The following SPEG variants were observed in gnomAD, a reference collection of about 807,000 sequenced individuals.
SPEG encodes striated muscle preferentially expressed protein kinase.
A neutral mutation model predicts 300.4 loss-of-function variants in SPEG; 114 were observed. That is an observed-to-expected ratio of 0.38 (90% CI 0.33 to 0.44). SPEG has a LOEUF of 0.44. SPEG is among the 20% of genes least tolerant of loss of function. The probability of loss-of-function intolerance (pLI) is 1.00; values close to 1 mark genes in which losing one functional copy is unlikely to be tolerated. For synonymous variants in SPEG, 1,964 were observed against 2,018.9 expected (o/e 0.97, Z 0.73); for missense variants, 4,201 against 4,586.2 (o/e 0.92, Z 2.43).
At position 219,448,432 on chromosome 2, in the gene SPEG, G is replaced by C; in HGVS notation, c.1274G>C (p.Arg425Pro). Residue 425 changes from arginine to proline, a missense_variant, in exon 4 of 41, where the codon CGG (arginine) becomes CCG (proline). Arg to Pro is a moderately radical substitution (Grantham distance 103). Transcript: ENST00000312358. ...AGCGACTCGCCGCCGGCGCCCCTGCGGCCCTGGGTGCCCCTGCGCAAGGCC... is the reference window on the plus strand; with the variant it reads ...AGCGACTCGCCGCCGGCGCCCCTGCCGCCCTGGGTGCCCCTGCGCAAGGCC... ...ERSDSPPAPLRPWVPLRKARS... is the reference protein window; with the variant it reads ...ERSDSPPAPLPPWVPLRKARS... 2 of 1,515,786 alleles carry C rather than the reference G, an allele frequency of 1.3e-6. No individual in the cohort carries two copies. The highest frequency in any genetic ancestry group is 1.8e-6 in the Non-Finnish European group (2 of 1,139,460). 93.9% of individuals were successfully genotyped at this position (1,515,786 alleles called of 1,614,324 possible).
intron 6 of SPEG, among the ~76,000 whole-genome samples, chr2:219,457,935 C>G (rs1006327455): frequency 6.6e-5 from 10 of 152,178 alleles, no homozygotes; most frequent in African/African-American, 2.4e-4. Flanking sequence ...CTCTCTTTTT[C>G]CCTGGGCCAA....
chr2:219,473,392 T>C lies in SPEG; in HGVS notation c.4148-112T>C. 1 of 1,086,734 alleles carries C rather than the reference T, an allele frequency of 9.2e-7. No homozygotes were observed. Among genetic ancestry groups the C allele is most frequent in the Non-Finnish European group, 1.4e-6 (1 of 731,892 alleles). 67.3% of individuals were successfully genotyped at this position (1,086,734 alleles called of 1,614,324 possible). A position where few individuals can be genotyped will look rare whatever the true frequency, so the allele number is the denominator to read the frequency against. On this transcript the variant is annotated intron_variant, in intron 16 of 40. Transcript: ENST00000312358. This position sits in a 1 kb window ranked among gnomAD's most constrained non-coding sequence, Gnocchi z 4.6. ...CGCTAAACCTCTCTGAGCTTCAGCT[T>C]TCCCATCTGTAAAAACGGAACTCAA...
chr2:219,441,661 T>A (rs1462824387), intron 1 of SPEG: 3 of 452,042 alleles, frequency 6.6e-6, no homozygotes, highest in Non-Finnish European at 1.4e-5. Flanking sequence ...ATTGCACCCC[T>A]TTCTGTGCCT....
chr2:219,492,494 G>C (rs1694064256), intron 40 of SPEG, 100 bp from the exon 41 acceptor site: 1 of 1,294,880 alleles, frequency 7.7e-7, no homozygotes, highest in South Asian at 1.3e-5. Context: ...CACATGTAGG[G>C]GTGGGATCCA....
intron 6 of SPEG, among the ~76,000 whole-genome samples, chr2:219,452,358 C>G (rs143701658): frequency 6.6e-6 from 1 of 152,158 alleles, no homozygotes; most frequent in African/African-American, 2.4e-5. Context: ...GCCTTGTTTT[C>G]TATTTTTGTG....
At chr2:219,450,946 G>T in intron 4 of SPEG, 190 bp from the exon 5 acceptor site, 1 of 575,470 alleles carries the variant, frequency 1.7e-6, no homozygotes, top group Non-Finnish European at 3.0e-6. Context: ...TTTCGAGAAT[G>T]CTCCTTCTGA....
rs745312329 is a variant in SPEG, at chr2:219,484,159, C to G, written c.6696C>G (p.Pro2232=). Residue 2232 remains proline (P), a synonymous_variant, in exon 30 of 41, where the codon CCC becomes CCG. Transcript: ENST00000312358. ...PVRASKPAPP[P]QALQTLALPL... Reference sequence around the variant, plus strand: ...GAGCCTCCAAGCCTGCACCACCCCCCCAGGCCCTGCAAACCCTAGCGCTGC... The same window carrying G: ...GAGCCTCCAAGCCTGCACCACCCCCGCAGGCCCTGCAAACCCTAGCGCTGC... 7.4e-5 allele frequency: 119 copies of G among 1,613,574 alleles called. No individual in the cohort carries two copies. The highest frequency in any genetic ancestry group is 9.0e-5 in the Non-Finnish European group (106 of 1,179,972).
rs780302495 is a variant in SPEG, at chr2:219,461,985, C to A, written c.2544C>A (p.Pro848=). 4 of 1,613,722 alleles carry A rather than the reference C, an allele frequency of 2.5e-6. No individual in the cohort carries two copies. The Admixed American group carries it at 5.0e-5, about 20-fold the overall frequency. Residue 848 remains proline (P), a synonymous_variant, in exon 7 of 41, where the codon CCC becomes CCA. Transcript: ENST00000312358. ...PEPGETWPRT[P]TMKPSPSQNR... is the part of the protein sequence containing the mutation. ...CTGGGGAGACCTGGCCGCGAACCCC[C>A]ACCATGAAGCCCAGTCCCAGCCAGA... is the stretch of plus-strand genomic sequence containing the variant.
chr2:219,447,942 A>T (rs1447455025), intron 3 of SPEG, 32 bp from the exon 4 acceptor site: 21 of 1,602,226 alleles, frequency 1.3e-5, no homozygotes, highest in Non-Finnish European at 1.7e-5. Flanking sequence ...GGCCCCCTGA[A>T]TCCTCTACCC....
In SPEG at chr2:219,489,873, C is replaced by G; in HGVS notation, c.8855C>G (p.Pro2952Arg). Residue 2952 changes from proline to arginine, a missense_variant, in exon 36 of 41, where the codon CCT becomes CGT. Around this residue, in one of 4 missense-constraint regions of SPEG, gnomAD observed 1,578 missense variants for 1,506.0 expected, o/e 1.05. Coordinates refer to ENST00000312358, the MANE Select transcript of SPEG (RefSeq NM_005876.5). The stretch of plus-strand genomic sequence containing the variant: ...AGCAGTCCCCGAAGCTCTCCCAGGC[C>G]TGAGGGTACCACTCTTCGACAGGGT... ...PGSSPRSSPR[P>R]EGTTLRQGPP... The G allele has an allele frequency of 6.2e-7, 1 of 1,609,384 alleles. No homozygotes were observed. The highest frequency in any genetic ancestry group is 8.5e-7 in the Non-Finnish European group (1 of 1,176,910).
Position 219,445,211 on chromosome 2 carries a change from T to TCCTGCGCTGC in SPEG, c.815+54_815+63dup, listed in dbSNP as rs769085246. 25 of 1,496,980 alleles carry TCCTGCGCTGC rather than the reference T, an allele frequency of 1.7e-5. No individual in the cohort carries two copies. The South Asian group carries it at 2.2e-4, about 13-fold the overall frequency. 92.7% of individuals were successfully genotyped at this position (1,496,980 alleles called of 1,614,324 possible). A position where few individuals can be genotyped will look rare whatever the true frequency, so the allele number is the denominator to read the frequency against. ...TGAACTGCCCCATCTCACCACGCTGTCCTGCGCTGCCCTCACTGCTCAGTC... is the reference window on the plus strand; with the variant it reads ...TGAACTGCCCCATCTCACCACGCTGTCCTGCGCTGCCCTGCGCTGCCCTCACTGCTCAGTC... On this transcript the variant is annotated intron_variant, in intron 3 of 40. Coordinates refer to ENST00000312358, the MANE Select transcript of SPEG (RefSeq NM_005876.5). This position sits in a 1 kb window ranked among gnomAD's most constrained non-coding sequence, Gnocchi z 6.1.
chr2:219,492,128 C>T lies in SPEG; in HGVS notation c.9479C>T (p.Pro3160Leu). 4 of 1,613,124 alleles carry T rather than the reference C, an allele frequency of 2.5e-6. No homozygotes were observed. Among genetic ancestry groups the T allele is most frequent in the East Asian group, 2.2e-5 (1 of 44,848 alleles). Residue 3160 changes from proline to leucine, a missense_variant, in exon 40 of 41, where the codon CCG becomes CTG. By Grantham distance (98) the Pro-to-Leu change is moderately conservative. Transcript: ENST00000312358. The part of the protein sequence containing the change: ...LTYIMLSGRS[P>L]FYEPDPQETE... ...CCCAACAGGCTCAGTGGACGCTCCCCGTTCTATGAGCCAGACCCCCAGGAA... is the reference window on the plus strand; with the variant it reads ...CCCAACAGGCTCAGTGGACGCTCCCTGTTCTATGAGCCAGACCCCCAGGAA...
Position 219,451,769 on chromosome 2 carries a change from G to A in SPEG, c.2402G>A (p.Gly801Asp). 6.4e-7 allele frequency: 1 copy of A among 1,554,702 alleles called. No individual in the cohort carries two copies. The highest frequency in any genetic ancestry group is 8.7e-7 in the Non-Finnish European group (1 of 1,149,538). Residue 801 changes from glycine to aspartate, a missense_variant, in exon 6 of 41, where the codon GGC becomes GAC. Gly to Asp is a moderately conservative substitution (Grantham distance 94, BLOSUM62 -1). Transcript: ENST00000312358. This position sits in a 1 kb window ranked among gnomAD's most constrained non-coding sequence, Gnocchi z 6.4. ...SYMATATNEL[G>D]QATCAASLTV... is the part of the protein sequence containing the mutation. ...ATGGCCACCGCCACCAACGAGCTGG[G>A]CCAGGCCACCTGTGCCGCCTCACTG...
chr2:219,463,787 A>G (rs1445086537), intron 8 of SPEG, among the ~76,000 whole-genome samples: 2 of 152,040 alleles, frequency 1.3e-5, no homozygotes, highest in African/African-American at 4.8e-5. Flanking sequence ...TCCATTATAA[A>G]TAAATAAAAA....
rs1017166417 is a variant in SPEG at position 219,469,519 on chromosome 2, G to A, written c.3715+140G>A. On this transcript the variant is annotated intron_variant, in intron 13 of 40. Coordinates refer to ENST00000312358, the MANE Select transcript of SPEG (RefSeq NM_005876.5). ...CAGGGTGCCTGGGGGAAGGGAACCCGGAGGGACTGTGAGGTCATTGCCTCC... is the reference window on the plus strand; with the variant it reads ...CAGGGTGCCTGGGGGAAGGGAACCCAGAGGGACTGTGAGGTCATTGCCTCC... The A allele has an allele frequency of 2.2e-4, 155 of 704,030 alleles. 1 individual carries two copies. Among genetic ancestry groups the A allele is most frequent in the African/African-American group, 2.0e-3 (114 of 56,472 alleles). The allele number at this position is 704,030 out of a possible 1,614,324, so 43.6% of individuals were successfully genotyped here.
Position 219,443,013 on chromosome 2 carries a change from A to T in SPEG, c.389-1640A>T. 2 of 990,228 alleles carry T rather than the reference A, an allele frequency of 2.0e-6. No homozygotes were observed. The highest frequency in any genetic ancestry group is 3.1e-6 in the Non-Finnish European group (2 of 644,996). The allele number at this position is 990,228 out of a possible 1,614,324, so 61.3% of individuals were successfully genotyped here. A position where few individuals can be genotyped will look rare whatever the true frequency, so the allele number is the denominator to read the frequency against. On this transcript the variant is annotated intron_variant, in intron 1 of 40. Coordinates refer to ENST00000312358, the MANE Select transcript of SPEG (RefSeq NM_005876.5). The surrounding 1 kb of genome is among the most constrained non-coding windows in gnomAD (Gnocchi z 4.6). ...TCACACACACACTGGCCAGGGAATG[A>T]GTTTCTGCTTGATGTTGCAGGTCTG...
intron 3 of SPEG, among the ~76,000 whole-genome samples, chr2:219,446,577 C>T (rs568458505): frequency 1.3e-5 from 2 of 152,270 alleles, no homozygotes; most frequent in East Asian, 1.9e-4. Context: ...GGGTGGCTGA[C>T]TCAGGTAGGC....
intron 1 of SPEG, among the ~76,000 whole-genome samples, chr2:219,440,561 TTTTA>T (rs10606358): frequency 0.4 from 57,035 of 143,350 alleles, 11,840 homozygotes; most frequent in East Asian, 0.47. Flanking sequence ...ATTTATTTTA[TTTTA>T]TTTATTTATT....
At chr2:219,447,899 A>G (rs1689435924) in intron 3 of SPEG, 75 bp from the exon 4 acceptor site, 1 of 1,419,408 alleles carries the variant, frequency 7.0e-7, no homozygotes, top group South Asian at 1.3e-5. Context: ...CCACCACCCA[A>G]TTCCTGTCAC....
Sources: gnomAD v4.1 joint callset for allele counts (sites outside exome capture counted in the v4.1 genomes callset) on GRCh38, gnomAD v4.1.1 for gene constraint, gnomAD v4.1.1 regional missense constraint, Gnocchi (gnomAD v3.1) non-coding constraint, MANE v1.5 for transcripts, NCBI Gene and HGNC (gene_info 2026-07-23, HGNC 2026-07-21) for gene names.